SIRPB1: variants seen among roughly 807,000 people sequenced by gnomAD.
The protein encoded by SIRPB1 is signal regulatory protein beta 1.
SIRPB1 carries 28 observed loss-of-function variants against 34.1 expected under a neutral mutation model. The ratio of observed to expected loss-of-function variants is 0.82; its 90% CI spans 0.61 to 1.12. The LOEUF (loss-of-function observed/expected upper bound fraction) is 1.12. Among genes scored for constraint, SIRPB1 ranks in the 50% most tolerant of loss-of-function variants. SIRPB1 has a pLI of 0.00. For missense variants in SIRPB1, 499 were observed against 507.0 expected, an observed-to-expected ratio of 0.98 and a Z score of 0.15; for synonymous variants, 211 against 203.8, an observed-to-expected ratio of 1.04 and a Z score of -0.30.
In SIRPB1 at chr20:1,563,815, G is replaced by T; in HGVS notation, c.*1685C>A. ...TCATGAGAACTCACTGAGATCTTAT[G>T]AGAACTCACTATCACAAGAACAGCA... is the stretch of plus-strand genomic sequence containing the variant. On this transcript the variant is annotated 3_prime_UTR_variant, in exon 6 of 6. Transcript: ENST00000381605. 1 of 152,378 alleles carries T rather than the reference G, an allele frequency of 6.6e-6. No homozygotes were observed. Among genetic ancestry groups the T allele is most frequent in the South Asian group, 2.0e-4 (1 of 5,006 alleles). 9.4% of individuals were successfully genotyped at this position (152,378 alleles called of 1,614,324 possible). A position where few individuals can be genotyped will look rare whatever the true frequency, so the allele number is the denominator to read the frequency against.
rs1054673552 is a variant in SIRPB1 at position 1,562,898 on chromosome 20, T to C, written c.*2602A>G. Among the ~76,000 whole-genome samples the C allele has an allele frequency of 6.6e-6, 1 of 152,136 alleles. No homozygotes were observed. Among genetic ancestry groups the C allele is most frequent in the African/African-American group, 2.4e-5 (1 of 41,414 alleles). On this transcript the variant is annotated 3_prime_UTR_variant, in exon 6 of 6. Coordinates refer to ENST00000381605, the MANE Select transcript of SIRPB1 (RefSeq NM_006065.5). ...AAATGAGAAGTGAAAATGCTGCAAG[T>C]GAGGTTCAAATTGAATGTGAGTGGA...
chr20:1,598,411 G>T (rs902756184), intron 1 of SIRPB1: 1 of 229,026 alleles, frequency 4.4e-6, no homozygotes, highest in Admixed American at 1.0e-4. Context: ...ACAGCCCTAA[G>T]AGCTGCCCAT....
In SIRPB1 at chr20:1,578,321, G is replaced by T; in HGVS notation, c.433+17C>A. ...TGTCACACACCAGGGGACAAAGGAG[G>T]CCCACGCTGTACTCACCGCGCACAG... is the stretch of plus-strand genomic sequence containing the variant. On this transcript the variant is annotated intron_variant, in intron 2 of 5. Coordinates refer to ENST00000381605, the MANE Select transcript of SIRPB1 (RefSeq NM_006065.5). The T allele has an allele frequency of 6.4e-7, 1 of 1,573,988 alleles. No homozygotes were observed. The highest frequency in any genetic ancestry group is 8.7e-7 in the Non-Finnish European group (1 of 1,148,340).
In SIRPB1 at chr20:1,561,853, C is replaced by T. The variant is rs1266836839; in HGVS notation, c.*3647G>A. The stretch of plus-strand genomic sequence containing the variant: ...CATGCTGTACTCTTTGCAAAGAAGT[C>T]GCAGTGCACAGCCCACACTTCAGGA... On this transcript the variant is annotated 3_prime_UTR_variant, in exon 6 of 6. Coordinates refer to ENST00000381605, the MANE Select transcript of SIRPB1 (RefSeq NM_006065.5). 3.9e-5 allele frequency among the ~76,000 whole-genome samples: 6 copies of T among 152,234 alleles called. No individual in the cohort carries two copies. In the South Asian group the frequency reaches 8.3e-4, roughly 21 times the overall value.
chr20:1,567,613 C>T (rs947888553), intron 4 of SIRPB1, among the ~76,000 whole-genome samples: 3 of 152,166 alleles, frequency 2.0e-5, no homozygotes, highest in African/African-American at 4.8e-5. Flanking sequence ...CAATGAGGAC[C>T]CCAGGGCTGG....
intron 4 of SIRPB1, among the ~76,000 whole-genome samples, chr20:1,569,688 C>A (rs16995310): frequency 0.11 from 16,361 of 152,190 alleles, 1,113 homozygotes; most frequent in Middle Eastern, 0.14. Context: ...AGCCTCAGGG[C>A]AGAAAGAATA....
chr20:1,617,754 A>G lies in SIRPB1; in HGVS notation c.76+2115T>C, dbSNP rs570859628. Among the ~76,000 whole-genome samples, 4 of 152,344 alleles carry G rather than the reference A, an allele frequency of 2.6e-5. No individual in the cohort carries two copies. The South Asian group carries it at 8.3e-4, about 32-fold the overall frequency. On this transcript the variant is annotated intron_variant, in intron 1 of 5. Coordinates refer to ENST00000381605, the MANE Select transcript of SIRPB1 (RefSeq NM_006065.5). ...AATTAGCTCAAATTAGGCATTCTGCAATGTACACATATTTCATTAATATGG... is the reference window on the plus strand; with the variant it reads ...AATTAGCTCAAATTAGGCATTCTGCGATGTACACATATTTCATTAATATGG...
At position 1,615,669 on chromosome 20, in the gene SIRPB1, A is replaced by G. The variant is rs1436652236; in HGVS notation, c.76+4200T>C. On this transcript the variant is annotated intron_variant, in intron 1 of 5. Coordinates refer to ENST00000381605, the MANE Select transcript of SIRPB1 (RefSeq NM_006065.5). ...ATTCCTGGAACACAAGAATGTTTCA[A>G]TATACAAATGACAAAGAATGTAATA... 2.6e-5 allele frequency among the ~76,000 whole-genome samples: 4 copies of G among 152,240 alleles called. No homozygotes were observed. In the East Asian group the frequency reaches 7.7e-4, roughly 29 times the overall value.
At position 1,615,938 on chromosome 20, in the gene SIRPB1, G is replaced by GA. The variant is rs1298813873; in HGVS notation, c.76+3930dup. ...TTACTGTCATTATTATGACTTTATT[G>GA]AAAAAAGAAATCAGTAAGGTAATCG... On this transcript the variant is annotated intron_variant, in intron 1 of 5. Transcript: ENST00000381605. Among the ~76,000 whole-genome samples, 4 of 151,578 alleles carry GA rather than the reference G, an allele frequency of 2.6e-5. No homozygotes were observed. In the South Asian group the frequency reaches 6.2e-4, roughly 24 times the overall value.
rs578082666 is a variant in SIRPB1 at position 1,599,554 on chromosome 20, C to G, written c.76+20315G>C. Among the ~76,000 whole-genome samples, 19 of 48,868 alleles carry G rather than the reference C, an allele frequency of 3.9e-4. 9 individuals are homozygous for G. In the South Asian group the frequency reaches 0.014, roughly 36 times the overall value. The allele number at this position is 48,868 out of a possible 152,430, so 32.1% of individuals were successfully genotyped here. ...TAGCCCTTCAGAAATGCAAATATAA[C>G]CTTTCACCTCCCCCTCACCAGACAT... On this transcript the variant is annotated intron_variant, in intron 1 of 5. Coordinates refer to ENST00000381605, the MANE Select transcript of SIRPB1 (RefSeq NM_006065.5).
chr20:1,563,652 T>C lies in SIRPB1; in HGVS notation c.*1848A>G, dbSNP rs912041279. ...AGTTCCACAGGCTTAACAGGAAGCA[T>C]GACTGGGAGGCCTCAGGAAACTTAC... is the stretch of plus-strand genomic sequence containing the variant. On this transcript the variant is annotated 3_prime_UTR_variant, in exon 6 of 6. Transcript: ENST00000381605. 1 of 151,972 alleles carries C rather than the reference T, an allele frequency of 6.6e-6. No individual in the cohort carries two copies. The highest frequency in any genetic ancestry group is 1.5e-5 in the Non-Finnish European group (1 of 68,024). The allele number at this position is 151,972 out of a possible 1,614,324, so 9.4% of individuals were successfully genotyped here.
intron 2 of SIRPB1, among the ~76,000 whole-genome samples, chr20:1,576,574 T>C (rs1354696007): frequency 6.8e-6 from 1 of 148,116 alleles, no homozygotes. Flanking sequence ...GTGTCCACCC[T>C]GATGCTAGAG....
In SIRPB1 at chr20:1,565,108, C is replaced by T; in HGVS notation, c.*392G>A. 2.5e-6 allele frequency: 1 copy of T among 398,508 alleles called. No individual in the cohort carries two copies. Among genetic ancestry groups the T allele is most frequent in the East Asian group, 3.6e-5 (1 of 28,044 alleles). 24.7% of individuals were successfully genotyped at this position (398,508 alleles called of 1,614,324 possible). A position where few individuals can be genotyped will look rare whatever the true frequency, so the allele number is the denominator to read the frequency against. On this transcript the variant is annotated 3_prime_UTR_variant, in exon 6 of 6. Coordinates refer to ENST00000381605, the MANE Select transcript of SIRPB1 (RefSeq NM_006065.5). ...TGTGTATTCAGGAGGCAGTAGAGAACCTCAACAAGGCTGGGGGAGTTGGGG... is the reference window on the plus strand; with the variant it reads ...TGTGTATTCAGGAGGCAGTAGAGAATCTCAACAAGGCTGGGGGAGTTGGGG...
At chr20:1,576,644 C>A (rs188147189) in intron 2 of SIRPB1, among the ~76,000 whole-genome samples, 1 of 148,372 alleles carries the variant, frequency 6.7e-6, no homozygotes, top group African/African-American at 2.4e-5. Context: ...TGGTGGCTCA[C>A]GCCTGTAATC....
At chr20:1,614,627 C>T (rs1223531658) in intron 1 of SIRPB1, among the ~76,000 whole-genome samples, 1 of 152,040 alleles carries the variant, frequency 6.6e-6, no homozygotes, top group Non-Finnish European at 1.5e-5. Context: ...TCCTGCATGG[C>T]CTGCCCTACT....
At chr20:1,578,146 G>A (rs1568690105) in intron 2 of SIRPB1, 192 bp downstream of exon 2, 6 of 636,786 alleles carry the variant, frequency 9.4e-6, no homozygotes, top group South Asian at 7.6e-5. Context: ...TTTACAAGCC[G>A]TGGAGCCTCG....
chr20:1,561,712 G>T lies in SIRPB1; in HGVS notation c.*3788C>A, dbSNP rs1179512412. Reference sequence around the variant, plus strand: ...CATCATATTAAAGGTACATATTAGTGACATGATTTATGATTCTTGATGTTG... The same window carrying T: ...CATCATATTAAAGGTACATATTAGTTACATGATTTATGATTCTTGATGTTG... On this transcript the variant is annotated 3_prime_UTR_variant, in exon 6 of 6. Coordinates refer to ENST00000381605, the MANE Select transcript of SIRPB1 (RefSeq NM_006065.5). Among the ~76,000 whole-genome samples, 1 of 152,196 alleles carries T rather than the reference G, an allele frequency of 6.6e-6. No homozygotes were observed. The highest frequency in any genetic ancestry group is 2.4e-5 in the African/African-American group (1 of 41,454).
intron 3 of SIRPB1, 148 bp from the exon 4 acceptor site, chr20:1,571,285 T>C: frequency 2.3e-6 from 2 of 856,448 alleles, no homozygotes; most frequent in Non-Finnish European, 3.6e-6. Context: ...AGGGCACTCG[T>C]TGCATATGAG....
intron 1 of SIRPB1, among the ~76,000 whole-genome samples, chr20:1,615,726 C>G (rs868037384): frequency 6.6e-5 from 10 of 152,170 alleles, no homozygotes; most frequent in Admixed American, 3.3e-4. Context: ...AGAAGAAACA[C>G]ATGATTATCT....
Sources: gnomAD v4.1 joint callset for allele counts (sites outside exome capture counted in the v4.1 genomes callset) on GRCh38, gnomAD v4.1.1 for gene constraint, MANE v1.5 for transcripts, NCBI Gene and HGNC (gene_info 2026-07-23, HGNC 2026-07-21) for gene names.